Variants in ACYP2 observed in about 807,000 individuals in gnomAD.
The protein encoded by ACYP2 is acylphosphatase 2.
A neutral mutation model predicts 11.2 loss-of-function variants in ACYP2; 12 were observed. That is an observed-to-expected ratio of 1.08 (90% CI 0.69 to 1.74). ACYP2 has a LOEUF of 1.74. Ranked by LOEUF, ACYP2 falls within the 40% of genes most tolerant of loss-of-function variation. ACYP2 has a pLI of 0.00. For synonymous variants in ACYP2, 43 were observed against 32.2 expected (o/e 1.33, Z -1.13); for missense variants, 134 against 101.9 (o/e 1.31, Z -1.35).
chr2:54,023,013 C>G (rs1264406649), intron 2 of ACYP2, among the ~76,000 whole-genome samples: 3 of 152,188 alleles, frequency 2.0e-5, no homozygotes, highest in Non-Finnish European at 4.4e-5. Context: ...TCATATAAGA[C>G]TTACATTAAA....
intron 6 of ACYP2, among the ~76,000 whole-genome samples, chr2:54,247,443 C>G (rs1184698858): frequency 1.3e-5 from 2 of 152,164 alleles, no homozygotes; most frequent in Non-Finnish European, 2.9e-5. Flanking sequence ...CTGCTGAACA[C>G]CTCAAAATAT....
At chr2:54,304,456 A>C (rs1332929288) in intron 6 of ACYP2, among the ~76,000 whole-genome samples, 1 of 152,148 alleles carries the variant, frequency 6.6e-6, no homozygotes, top group Non-Finnish European at 1.5e-5. Flanking sequence ...TAAAATCATC[A>C]GGAATTGACT....
At chr2:54,156,623 A>G (rs1368982984) in intron 6 of ACYP2, among the ~76,000 whole-genome samples, 1 of 152,144 alleles carries the variant, frequency 6.6e-6, no homozygotes, top group Non-Finnish European at 1.5e-5. Context: ...ATAGTATTCC[A>G]TAGTGTAGAC....
chr2:54,072,423 A>T (rs1258214746), intron 4 of ACYP2, among the ~76,000 whole-genome samples: 1 of 151,712 alleles, frequency 6.6e-6, no homozygotes, highest in Non-Finnish European at 1.5e-5. Context: ...TTCCCACCTC[A>T]GTCTCTAGAA....
chr2:54,299,066 T>C (rs1284441389), intron 6 of ACYP2, among the ~76,000 whole-genome samples: 1 of 152,150 alleles, frequency 6.6e-6, no homozygotes, highest in Non-Finnish European at 1.5e-5. Context: ...GTTTCACTTT[T>C]ATAGACACAG....
At position 54,050,740 on chromosome 2, in the gene ACYP2, G is replaced by T. The variant is rs889612342; in HGVS notation, c.63-218G>T. Reference sequence around the variant, plus strand: ...CTTTATAGTCTCTAGTTCAATTTTTGATTGCACTTATCAAATTCCTTTGTC... The same window carrying T: ...CTTTATAGTCTCTAGTTCAATTTTTTATTGCACTTATCAAATTCCTTTGTC... On this transcript the variant is annotated intron_variant, in intron 2 of 6. Transcript: ENST00000607452. Among the ~76,000 whole-genome samples the T allele has an allele frequency of 3.3e-5, 5 of 151,992 alleles. No individual in the cohort carries two copies. The South Asian group carries it at 8.3e-4, about 25-fold the overall frequency.
At chr2:54,291,915 T>G (rs1366313866) in intron 6 of ACYP2, among the ~76,000 whole-genome samples, 1 of 152,220 alleles carries the variant, frequency 6.6e-6, no homozygotes, top group African/African-American at 2.4e-5. Flanking sequence ...ACTTTAGGAA[T>G]TTTCTAATTC....
intron 2 of ACYP2, among the ~76,000 whole-genome samples, chr2:54,014,689 G>A (rs1352424620): frequency 6.6e-6 from 1 of 151,860 alleles, no homozygotes; most frequent in African/African-American, 2.4e-5. Context: ...CTTGTTCCTT[G>A]CAAATAAATG....
At chr2:54,254,016 T>A (rs941194887) in intron 6 of ACYP2, 29 of 152,306 alleles carry the variant, frequency 1.9e-4, no homozygotes, top group African/African-American at 7.0e-4. Context: ...ACTCTGGCAC[T>A]TCATTAGGTT....
intron 6 of ACYP2, among the ~76,000 whole-genome samples, chr2:54,243,308 T>C (rs139309330): frequency 7.2e-4 from 109 of 152,282 alleles, no homozygotes; most frequent in African/African-American, 2.6e-3. Flanking sequence ...ATGTGTGGTA[T>C]AGCCTATTGC....
chr2:54,081,665 C>T (rs1677660887), intron 4 of ACYP2, among the ~76,000 whole-genome samples: 1 of 152,218 alleles, frequency 6.6e-6, no homozygotes, highest in Admixed American at 6.5e-5. Flanking sequence ...ACAATGTTAA[C>T]TGATGCATGA....
intron 2 of ACYP2, among the ~76,000 whole-genome samples, chr2:53,993,915 G>A (rs1672427217): frequency 6.6e-6 from 1 of 152,142 alleles, no homozygotes; most frequent in Admixed American, 6.5e-5. Context: ...GCCAGGCACG[G>A]TGGTTCACGC....
chr2:54,188,509 T>G (rs1684107822), intron 6 of ACYP2, among the ~76,000 whole-genome samples: 1 of 152,236 alleles, frequency 6.6e-6, no homozygotes, highest in South Asian at 2.1e-4. Flanking sequence ...GTTATTAATA[T>G]TATACACACA....
chr2:54,117,648 G>T (rs1323660074), intron 4 of ACYP2, among the ~76,000 whole-genome samples: 1 of 152,212 alleles, frequency 6.6e-6, no homozygotes, highest in Non-Finnish European at 1.5e-5. Context: ...GTTGGTGGAA[G>T]AGTTGAATTA....
chr2:54,129,478 T>G (rs1680761454), intron 4 of ACYP2, among the ~76,000 whole-genome samples: 1 of 152,020 alleles, frequency 6.6e-6, no homozygotes, highest in South Asian at 2.1e-4. Flanking sequence ...TTTAGGATTA[T>G]AGCATTCAAG....
At chr2:54,219,833 A>ATATGTGTGTATGTGTGTATT (rs747745925) in intron 6 of ACYP2, among the ~76,000 whole-genome samples, 2,996 of 143,936 alleles carry the variant, frequency 0.021, 46 homozygotes, top group Middle Eastern at 0.058. Flanking sequence ...GTGTGTATAT[A>ATATGTGTGTATGTGTGTATT]TATGTGTATG....
chr2:54,258,925 T>C (rs1311321772), intron 6 of ACYP2, among the ~76,000 whole-genome samples: 1 of 152,200 alleles, frequency 6.6e-6, no homozygotes, highest in African/African-American at 2.4e-5. Context: ...AGCAAGCACC[T>C]GGGAAAGAAT....
intron 4 of ACYP2, among the ~76,000 whole-genome samples, chr2:54,090,144 CA>C (rs76380235): frequency 0.26 from 36,009 of 138,702 alleles, 4,690 homozygotes; most frequent in South Asian, 0.48. Flanking sequence ...TACTCCGTCT[CA>C]AAAAAAAAAA....
At chr2:54,046,852 C>G (rs1285199843) in intron 2 of ACYP2, among the ~76,000 whole-genome samples, 22 of 152,172 alleles carry the variant, frequency 1.4e-4, no homozygotes, top group Non-Finnish European at 1.5e-5. Flanking sequence ...CAATCCTAAT[C>G]AAAAGAGTGA....
Sources: allele counts gnomAD v4.1 joint callset (sites outside exome capture counted in the v4.1 genomes callset), GRCh38; gene constraint gnomAD v4.1.1; transcripts MANE v1.5; gene names NCBI Gene and HGNC (gene_info 2026-07-23, HGNC 2026-07-21).